The following MAP3K4 variants were observed in gnomAD, a reference collection of about 807,000 sequenced individuals.
MAP3K4 encodes MAP three kinase 1.
In MAP3K4, 67 loss-of-function variants were observed where a neutral mutation model predicts 185.6. That is an observed-to-expected ratio of 0.36 (90% CI 0.30 to 0.44). The LOEUF (loss-of-function observed/expected upper bound fraction) is 0.44. Among genes scored for constraint, MAP3K4 ranks in the 20% least tolerant of loss-of-function variants. The pLI is 1.00. For synonymous variants in MAP3K4, 702 were observed against 710.4 expected (o/e 0.99, Z 0.19); for missense variants, 1,551 against 1,995.1 (o/e 0.78, Z 4.24).
In MAP3K4 at chr6:161,093,675, T is replaced by C; in HGVS notation, c.3349-98T>C. On this transcript the variant is annotated intron_variant, in intron 14 of 26. Transcript: ENST00000392142. This position sits in a 1 kb window ranked among gnomAD's most constrained non-coding sequence, Gnocchi z 5.2. ...AACTGAAAATATTTTGGGTAGCATG[T>C]TTTTAAAAATATACTGAAAATTAAT... 1.4e-6 allele frequency: 1 copy of C among 698,390 alleles called. No homozygotes were observed. 43.3% of individuals were successfully genotyped at this position (698,390 alleles called of 1,614,324 possible).
Position 161,112,020 on chromosome 6 carries a change from T to C in MAP3K4, c.4519+62T>C, listed in dbSNP as rs549680609. 9 of 1,593,902 alleles carry C rather than the reference T, an allele frequency of 5.6e-6. No individual in the cohort carries two copies. In the African/African-American group the frequency reaches 1.1e-4, roughly 19 times the overall value. Reference sequence around the variant, plus strand: ...TCATGCAGCCTGCTTGGGGCCTGCATGTTCCCTTCACCTTTGTTTGTCAGT... The same window carrying C: ...TCATGCAGCCTGCTTGGGGCCTGCACGTTCCCTTCACCTTTGTTTGTCAGT... On this transcript the variant is annotated intron_variant, in intron 24 of 26. Coordinates refer to ENST00000392142, the MANE Select transcript of MAP3K4 (RefSeq NM_005922.4). The surrounding 1 kb of genome is among the most constrained non-coding windows in gnomAD (Gnocchi z 5.1).
intron 1 of MAP3K4, among the ~76,000 whole-genome samples, chr6:161,002,372 T>C (rs547829200): frequency 2.9e-4 from 44 of 152,260 alleles, no homozygotes; most frequent in African/African-American, 9.4e-4. Flanking sequence ...AGCCACTGCC[T>C]AAGAAAAATG....
intron 2 of MAP3K4, among the ~76,000 whole-genome samples, chr6:161,035,618 G>A (rs1783128872): frequency 6.6e-6 from 1 of 152,040 alleles, no homozygotes; most frequent in African/African-American, 2.4e-5. Flanking sequence ...TTTAACCTGT[G>A]GCCTGTACTT....
chr6:161,078,437 A>G (rs1785280442), intron 5 of MAP3K4, among the ~76,000 whole-genome samples: 1 of 152,224 alleles, frequency 6.6e-6, no homozygotes. Context: ...TCTGAACTGA[A>G]GCCAGAGGAA....
intron 1 of MAP3K4, among the ~76,000 whole-genome samples, chr6:161,028,342 C>T (rs1265464097): frequency 6.6e-6 from 1 of 151,622 alleles, no homozygotes; most frequent in East Asian, 2.0e-4. Context: ...AACTTGTATT[C>T]TTACTAGTAA....
At chr6:161,038,982 C>G (rs866309728) in intron 2 of MAP3K4, among the ~76,000 whole-genome samples, 2 of 152,152 alleles carry the variant, frequency 1.3e-5, no homozygotes, top group African/African-American at 4.8e-5. Flanking sequence ...ACTTCTTACA[C>G]GGCAGCTGTC....
intron 3 of MAP3K4, among the ~76,000 whole-genome samples, chr6:161,069,569 AG>A: frequency 6.6e-6 from 1 of 152,240 alleles, no homozygotes; most frequent in South Asian, 2.1e-4. Context: ...CATATTTGGT[AG>A]ATGAGCAGGT....
chr6:161,083,526 A>G (rs1298731250), intron 6 of MAP3K4, among the ~76,000 whole-genome samples: 2 of 152,190 alleles, frequency 1.3e-5, no homozygotes, highest in East Asian at 1.9e-4. Context: ...AATGAGCATG[A>G]CATCCATTGC....
chr6:161,034,387 G>A lies in MAP3K4; in HGVS notation c.281G>A (p.Arg94His), dbSNP rs755472223. ...CCCAGCACACCTCGACAGATGAAAC[G>A]CATGTCAACCAAACATCAGAGGAAT... ...SPPSTPRQMKRMSTKHQRNNV... is the reference protein window; with the variant it reads ...SPPSTPRQMKHMSTKHQRNNV... The change falls in exon 2 of 27, where the codon CGC becomes CAC. Residue 94 changes from arginine (R) to histidine (H), a missense_variant. Transcript: ENST00000392142. The surrounding 1 kb of genome is among the most constrained non-coding windows in gnomAD (Gnocchi z 4.4). 3.8e-5 allele frequency: 62 copies of A among 1,613,724 alleles called. No individual in the cohort carries two copies. In the South Asian group the frequency reaches 5.7e-4, roughly 15 times the overall value.
rs559937746 is a variant in MAP3K4, at chr6:161,117,068, G to A, written c.*198G>A. The A allele has an allele frequency of 1.7e-5, 10 of 598,686 alleles. No individual in the cohort carries two copies. The highest frequency in any genetic ancestry group is 1.1e-4 in the East Asian group (4 of 35,878). 37.1% of individuals were successfully genotyped at this position (598,686 alleles called of 1,614,324 possible). A position where few individuals can be genotyped will look rare whatever the true frequency, so the allele number is the denominator to read the frequency against. On this transcript the variant is annotated 3_prime_UTR_variant, in exon 27 of 27. Transcript: ENST00000392142. The stretch of plus-strand genomic sequence containing the variant: ...GGCCCTCTGGAGGGCTGGTGGCCAC[G>A]AGGTTAAAGAAGCTGCATGTTAAGT...
At chr6:161,072,603 C>G (rs191168951) in intron 4 of MAP3K4, among the ~76,000 whole-genome samples, 1 of 152,040 alleles carries the variant, frequency 6.6e-6, no homozygotes, top group Non-Finnish European at 1.5e-5. Flanking sequence ...GATTATTTCT[C>G]GAGTGTAAAA....
At position 161,098,253 on chromosome 6, in the gene MAP3K4, C is replaced by G. The variant is rs745394108; in HGVS notation, c.3525-25C>G. ...TCCGTTCCCTCTTCTCACATGTGTT[C>G]CTGAAGCTTTTCTTCTTGTCTTAGC... On this transcript the variant is annotated intron_variant, in intron 16 of 26. Coordinates refer to ENST00000392142, the MANE Select transcript of MAP3K4 (RefSeq NM_005922.4). The surrounding 1 kb of genome is among the most constrained non-coding windows in gnomAD (Gnocchi z 4.4). 4.7e-5 allele frequency: 75 copies of G among 1,602,790 alleles called. No individual in the cohort carries two copies. The highest frequency in any genetic ancestry group is 6.0e-5 in the Non-Finnish European group (70 of 1,173,300).
chr6:161,048,796 C>CAAA lies in MAP3K4; in HGVS notation c.529_531dup (p.Lys177dup), dbSNP rs750651844. The CAAA allele has an allele frequency of 6.8e-6, 11 of 1,613,830 alleles. No individual in the cohort carries two copies. Among genetic ancestry groups the CAAA allele is most frequent in the Non-Finnish European group, 9.3e-6 (11 of 1,179,988 alleles). Reference sequence around the variant, plus strand: ...TTAGACTCAGTGGGTGGATCTTTGCCAAAAAAATCAATTCCAGATGTGGAT... The same window carrying CAAA: ...TTAGACTCAGTGGGTGGATCTTTGCCAAAAAAAAAATCAATTCCAGATGTGGAT... On this transcript the variant is annotated inframe_insertion, in exon 3 of 27. Coordinates refer to ENST00000392142, the MANE Select transcript of MAP3K4 (RefSeq NM_005922.4). The surrounding 1 kb of genome is among the most constrained non-coding windows in gnomAD (Gnocchi z 4.7).
Position 161,092,958 on chromosome 6 carries a change from T to A in MAP3K4, c.3270-20T>A. On this transcript the variant is annotated intron_variant, in intron 13 of 26. Transcript: ENST00000392142. ...GTTTTCTTGGTTGTTATGTGATTAC[T>A]GAACTTTTTCGTGTACCAGGTGGGC... 6.5e-7 allele frequency: 1 copy of A among 1,543,762 alleles called. No individual in the cohort carries two copies. The highest frequency in any genetic ancestry group is 9.0e-7 in the Non-Finnish European group (1 of 1,116,298).
chr6:161,028,145 C>G (rs1207837867), intron 1 of MAP3K4, among the ~76,000 whole-genome samples: 1 of 152,100 alleles, frequency 6.6e-6, no homozygotes, highest in Admixed American at 6.5e-5. Context: ...GGTTTGTGAC[C>G]ATGAGGAGGC....
chr6:161,091,303 G>A lies in MAP3K4; in HGVS notation c.2974-76G>A, dbSNP rs1311676991. On this transcript the variant is annotated intron_variant, in intron 11 of 26. Coordinates refer to ENST00000392142, the MANE Select transcript of MAP3K4 (RefSeq NM_005922.4). This position sits in a 1 kb window ranked among gnomAD's most constrained non-coding sequence, Gnocchi z 5.5. ...GGTTAATGTCTGTGTGATGATGAACGAAATCTTCCTTTAAAATGTGGTAAG... is the reference window on the plus strand; with the variant it reads ...GGTTAATGTCTGTGTGATGATGAACAAAATCTTCCTTTAAAATGTGGTAAG... The A allele has an allele frequency of 5.4e-6, 7 of 1,288,342 alleles. No individual in the cohort carries two copies. The highest frequency in any genetic ancestry group is 7.5e-6 in the Non-Finnish European group (7 of 936,972). 79.8% of individuals were successfully genotyped at this position (1,288,342 alleles called of 1,614,324 possible).
In MAP3K4 at chr6:161,049,952, A is replaced by G. The variant is rs1457896363; in HGVS notation, c.1680A>G (p.Ala560=). ...MDGSLQRARI[A]LVKNDRPVEF... ...GTTCCTTGCAAAGGGCACGTATAGC[A>G]TTGGTAAAGAACGATCGTCCAGTGG... The change falls in exon 3 of 27, where the codon GCA becomes GCG. Residue 560 remains alanine, a synonymous_variant. Transcript: ENST00000392142. The surrounding 1 kb of genome is among the most constrained non-coding windows in gnomAD (Gnocchi z 8.4). 1 of 1,612,578 alleles carries G rather than the reference A, an allele frequency of 6.2e-7. No individual in the cohort carries two copies. Among genetic ancestry groups the G allele is most frequent in the Admixed American group, 1.7e-5 (1 of 59,862 alleles).
rs1411786244 is a variant in MAP3K4 at position 161,108,835 on chromosome 6, G to A, written c.4212G>A (p.Arg1404=). ...FEGIKHPNLV[R]YFGVELHREE... is the part of the protein sequence containing the mutation. ...GCATCAAACACCCCAATCTGGTTCG[G>A]TATTTTGGTGTGGAGCTCCATAGAG... The change falls in exon 22 of 27, where the codon CGG becomes CGA. Residue 1404 remains arginine (R), a synonymous_variant. Coordinates refer to ENST00000392142, the MANE Select transcript of MAP3K4 (RefSeq NM_005922.4). The surrounding 1 kb of genome is among the most constrained non-coding windows in gnomAD (Gnocchi z 5.7). 16 of 1,613,870 alleles carry A rather than the reference G, an allele frequency of 9.9e-6. No homozygotes were observed. Among genetic ancestry groups the A allele is most frequent in the Non-Finnish European group, 1.3e-5 (15 of 1,179,904 alleles).
Position 161,109,932 on chromosome 6 carries a change from T to A in MAP3K4, c.4396+18T>A. ...CATTAAAGGTAATCCCACACCCGCC[T>A]GGCTGCTGTGGGCCAGAGCCACTGG... On this transcript the variant is annotated intron_variant, in intron 23 of 26. Coordinates refer to ENST00000392142, the MANE Select transcript of MAP3K4 (RefSeq NM_005922.4). This position sits in a 1 kb window ranked among gnomAD's most constrained non-coding sequence, Gnocchi z 5.7. 6.2e-7 allele frequency: 1 copy of A among 1,612,446 alleles called. No homozygotes were observed. The highest frequency in any genetic ancestry group is 8.5e-7 in the Non-Finnish European group (1 of 1,179,410).
Sources: allele counts gnomAD v4.1 joint callset (sites outside exome capture counted in the v4.1 genomes callset), GRCh38; gene constraint gnomAD v4.1.1; non-coding constraint Gnocchi (gnomAD v3.1); transcripts MANE v1.5; gene names NCBI Gene and HGNC (gene_info 2026-07-23, HGNC 2026-07-21).